Variants in AGR2 observed in about 807,000 individuals in gnomAD.
AGR2 encodes anterior gradient protein 2 homolog.
Under a neutral mutation model 25.9 loss-of-function variants are expected in AGR2, and 27 were observed. The observed-to-expected ratio is 1.04, with a 90% CI of 0.77 to 1.44. The LOEUF (loss-of-function observed/expected upper bound fraction) is 1.44, where lower values mean the gene tolerates loss of function less well. Ranked by LOEUF, AGR2 falls within the 40% of genes most tolerant of loss-of-function variation. The probability of loss-of-function intolerance (pLI) is 0.00; values close to 1 mark genes in which losing one functional copy is unlikely to be tolerated. For missense variants in AGR2, 182 were observed against 200.9 expected (o/e 0.91, Z 0.57); for synonymous variants, 78 against 72.0 (o/e 1.08, Z -0.42).
In AGR2 at chr7:16,801,670, T is replaced by C; in HGVS notation, c.127A>G (p.Thr43Ala). ...TKDSRPKLPQ[T>A]LSRGWGDQLI... is the part of the protein sequence containing the mutation. ...AGCTGACTCCTACCTCTGGAGAGGG[T>C]CTGGGGCAGTTTGGGTCGAGAGTCC... The change falls in exon 2 of 8, where the codon ACC becomes GCC. Residue 43 changes from threonine (T) to alanine (A), a missense_variant. Coordinates refer to ENST00000419304, the MANE Select transcript of AGR2 (RefSeq NM_006408.4). 6.2e-7 allele frequency: 1 copy of C among 1,613,616 alleles called. No individual in the cohort carries two copies. The highest frequency in any genetic ancestry group is 8.5e-7 in the Non-Finnish European group (1 of 1,179,928).
chr7:16,792,900 T>A lies in AGR2; in HGVS notation c.*8A>T. 1 of 1,613,174 alleles carries A rather than the reference T, an allele frequency of 6.2e-7. No individual in the cohort carries two copies. The highest frequency in any genetic ancestry group is 8.5e-7 in the Non-Finnish European group (1 of 1,179,106). ...TGACAGACAGAAGGGCTTGGAGATT[T>A]TTTTTCTTTACAATTCAGTCTTCAG... On this transcript the variant is annotated 3_prime_UTR_variant, in exon 8 of 8. Transcript: ENST00000419304.
At chr7:16,802,457 C>T (rs545641132) in intron 1 of AGR2, among the ~76,000 whole-genome samples, 89 of 152,230 alleles carry the variant, frequency 5.8e-4, no homozygotes, top group African/African-American at 1.9e-3. Context: ...TCACATTAGC[C>T]TAAAGTTGGG....
Position 16,792,866 on chromosome 7 carries a change from C to T in AGR2, c.*42G>A. 6.4e-7 allele frequency: 1 copy of T among 1,569,960 alleles called. No homozygotes were observed. Among genetic ancestry groups the T allele is most frequent in the Non-Finnish European group, 8.8e-7 (1 of 1,139,850 alleles). On this transcript the variant is annotated 3_prime_UTR_variant, in exon 8 of 8. Coordinates refer to ENST00000419304, the MANE Select transcript of AGR2 (RefSeq NM_006408.4). ...TCTCACACTTCTTCTGGTTTCAAGT[C>T]TCAAGGCCTGACAGACAGAAGGGCT...
chr7:16,804,352 T>C (rs1487787241), intron 1 of AGR2, among the ~76,000 whole-genome samples: 1 of 152,006 alleles, frequency 6.6e-6, no homozygotes, highest in Non-Finnish European at 1.5e-5. Context: ...TTCTTGTCTT[T>C]AGCAAATAAT....
At chr7:16,800,079 G>A (rs923196799) in intron 4 of AGR2, among the ~76,000 whole-genome samples, 2 of 151,970 alleles carry the variant, frequency 1.3e-5, no homozygotes, top group East Asian at 1.9e-4. Context: ...CATGTGTTAC[G>A]CACTGTGTTC....
chr7:16,800,336 AG>A (rs1785120663), intron 4 of AGR2, among the ~76,000 whole-genome samples: 1 of 152,192 alleles, frequency 6.6e-6, no homozygotes. Flanking sequence ...CACTGTGGGC[AG>A]GGGGAACTGC....
intron 5 of AGR2, 138 bp from the exon 6 acceptor site, chr7:16,797,832 G>T (rs1219650006): frequency 3.2e-6 from 2 of 629,910 alleles, no homozygotes; most frequent in South Asian, 4.2e-5. Context: ...TTATTGTACA[G>T]ATGAGGAGAC....
rs753350893 is a variant in AGR2, at chr7:16,801,464, G to C, written c.140-81C>G. ...GTTGAAAAGCAATGGTAAAGACTGGGATAATAGACCCTATACTAAAGAAGA... is the reference window on the plus strand; with the variant it reads ...GTTGAAAAGCAATGGTAAAGACTGGCATAATAGACCCTATACTAAAGAAGA... On this transcript the variant is annotated intron_variant, in intron 2 of 7. Coordinates refer to ENST00000419304, the MANE Select transcript of AGR2 (RefSeq NM_006408.4). 17 of 1,376,228 alleles carry C rather than the reference G, an allele frequency of 1.2e-5. No homozygotes were observed. In the Admixed American group the frequency reaches 2.9e-4, roughly 23 times the overall value. The allele number at this position is 1,376,228 out of a possible 1,614,324, so 85.3% of individuals were successfully genotyped here.
rs1010188877 is a variant in AGR2, at chr7:16,801,861, T to G, written c.-7-58A>C. 2.1e-5 allele frequency: 31 copies of G among 1,506,902 alleles called. No individual in the cohort carries two copies. The African/African-American group carries it at 3.1e-4, about 15-fold the overall frequency. The allele number at this position is 1,506,902 out of a possible 1,614,324, so 93.3% of individuals were successfully genotyped here. ...AAAATTGAACTAGCAGTCTTCAGGG[T>G]CTGCAGGTTGCCCCACAACGGTGGA... On this transcript the variant is annotated intron_variant, in intron 1 of 7. Coordinates refer to ENST00000419304, the MANE Select transcript of AGR2 (RefSeq NM_006408.4).
chr7:16,796,941 A>G (rs1385654703), intron 6 of AGR2, among the ~76,000 whole-genome samples: 4 of 147,482 alleles, frequency 2.7e-5, no homozygotes, highest in Non-Finnish European at 6.0e-5. Context: ...TTTTTTTTTG[A>G]GACAGAATCT....
Sources: gnomAD v4.1 joint callset for allele counts (sites outside exome capture counted in the v4.1 genomes callset) on GRCh38, gnomAD v4.1.1 for gene constraint, MANE v1.5 for transcripts, NCBI Gene and HGNC (gene_info 2026-07-23, HGNC 2026-07-21) for gene names.